The following SLC71A1 variants were observed in gnomAD, a reference collection of about 807,000 sequenced individuals.
SLC71A1 encodes the protein hippocampus abundant gene transcript 1.
chr1:100,071,842 A>G, the SLC71A1 span, among the ~76,000 whole-genome samples: 2 of 152,300 alleles, frequency 1.3e-5, no homozygotes, highest in South Asian at 4.1e-4. Context: ...TTACAAGATG[A>G]AAAACAGTCT....
At chr1:100,048,952 T>C in the SLC71A1 span, among the ~76,000 whole-genome samples, 1 of 152,228 alleles carries the variant, frequency 6.6e-6, no homozygotes, top group African/African-American at 2.4e-5. Context: ...TTGGAAGTTG[T>C]TCTTGATTCT....
the SLC71A1 span, among the ~76,000 whole-genome samples, chr1:100,071,331 TGTG>T: frequency 9.1e-6 from 1 of 109,742 alleles, no homozygotes; most frequent in African/African-American, 3.5e-5. Context: ...GAAAGCCCGG[TGTG>T]GTGGTGTGTG....
chr1:100,043,810 T>A, the SLC71A1 span, among the ~76,000 whole-genome samples: 1 of 152,242 alleles, frequency 6.6e-6, no homozygotes, highest in South Asian at 2.1e-4. Flanking sequence ...ATACGACATT[T>A]GGTTTTCCAT....
chr1:100,040,419 C>A, the SLC71A1 span, among the ~76,000 whole-genome samples: 3 of 152,100 alleles, frequency 2.0e-5, no homozygotes, highest in African/African-American at 7.2e-5. Flanking sequence ...TGCTTATCTA[C>A]CTCTCTACTT....
the SLC71A1 span, chr1:100,059,925 T>C: frequency 2.5e-6 from 4 of 1,613,326 alleles, no homozygotes; most frequent in Non-Finnish European, 3.4e-6. Flanking sequence ...CTCTTTCTGA[T>C]GTTTGGGGCC....
At chr1:100,080,539 T>C in the SLC71A1 span, 3 of 1,614,038 alleles carry the variant, frequency 1.9e-6, no homozygotes, top group Non-Finnish European at 2.5e-6. Flanking sequence ...GATTATGCAA[T>C]GGTCTGGGAC....
the SLC71A1 span, among the ~76,000 whole-genome samples, chr1:100,054,787 C>A: frequency 2.0e-5 from 3 of 152,036 alleles, no homozygotes; most frequent in Non-Finnish European, 2.9e-5. Flanking sequence ...CTCTAAAGAC[C>A]AGTGCTAAAG....
At chr1:100,049,106 G>A in the SLC71A1 span, among the ~76,000 whole-genome samples, 1,110 of 152,236 alleles carry the variant, frequency 7.3e-3, 9 homozygotes, top group African/African-American at 0.026. Context: ...TTTTAGATGC[G>A]CTTTGCTTCT....
the SLC71A1 span, among the ~76,000 whole-genome samples, chr1:100,077,879 G>A: frequency 2.0e-5 from 3 of 152,112 alleles, no homozygotes; most frequent in Non-Finnish European, 4.4e-5. Flanking sequence ...TGACTGCCTC[G>A]TCTCTGTTTG....
the SLC71A1 span, among the ~76,000 whole-genome samples, chr1:100,051,458 GTTT>G: frequency 1.5e-5 from 2 of 134,002 alleles, no homozygotes; most frequent in African/African-American, 2.7e-5. Context: ...ATATCAGAGG[GTTT>G]TTTTTTTTTT....
the SLC71A1 span, chr1:100,078,600 T>A: frequency 2.3e-6 from 3 of 1,278,436 alleles, no homozygotes; most frequent in African/African-American, 4.4e-5. Context: ...AATGTTCTAA[T>A]CCTGTGTTCT....
At chr1:100,058,479 G>A in the SLC71A1 span, among the ~76,000 whole-genome samples, 2 of 152,158 alleles carry the variant, frequency 1.3e-5, no homozygotes, top group Admixed American at 1.3e-4. Context: ...GCCCAATGTA[G>A]TGCCCTGTGA....
chr1:100,065,479 C>G, the SLC71A1 span, among the ~76,000 whole-genome samples: 6 of 148,232 alleles, frequency 4.0e-5, no homozygotes, highest in African/African-American at 1.5e-4. Context: ...CTTTGCCCTT[C>G]TCTTCCCCCT....
the SLC71A1 span, chr1:100,059,924 A>T: frequency 6.2e-7 from 1 of 1,612,908 alleles, no homozygotes; most frequent in Non-Finnish European, 8.5e-7. Context: ...GCTCTTTCTG[A>T]TGTTTGGGGC....
chr1:100,049,589 C>T, the SLC71A1 span, among the ~76,000 whole-genome samples: 1 of 152,134 alleles, frequency 6.6e-6, no homozygotes, highest in Non-Finnish European at 1.5e-5. Context: ...GCCATCTTTT[C>T]CACCCTATAC....
the SLC71A1 span, chr1:100,068,696 C>T: frequency 5.6e-6 from 4 of 717,920 alleles, no homozygotes; most frequent in Non-Finnish European, 7.2e-6. Flanking sequence ...AAATGAATAT[C>T]ATTGGACTTG....
the SLC71A1 span, among the ~76,000 whole-genome samples, chr1:100,065,021 C>T: frequency 2.0e-5 from 3 of 152,084 alleles, no homozygotes; most frequent in Non-Finnish European, 4.4e-5. Flanking sequence ...CTCAGCCTCC[C>T]GAGTAGCTGG....
chr1:100,080,058 G>A, the SLC71A1 span: 1 of 153,702 alleles, frequency 6.5e-6, no homozygotes, highest in Non-Finnish European at 1.4e-5. Context: ...GGAAGTTGAG[G>A]CTGCAGTGAG....
the SLC71A1 span, among the ~76,000 whole-genome samples, chr1:100,072,639 G>A: frequency 3.3e-5 from 5 of 151,778 alleles, no homozygotes; most frequent in Non-Finnish European, 7.4e-5. Context: ...GAAGTGTTAC[G>A]TGAAATTATA....
Sources: allele counts gnomAD v4.1 joint callset (sites outside exome capture counted in the v4.1 genomes callset), GRCh38; gene constraint gnomAD v4.1.1; transcripts MANE v1.5; gene names NCBI Gene and HGNC (gene_info 2026-07-23, HGNC 2026-07-21).